The following RAB3C variants were observed in gnomAD, a reference collection of about 807,000 sequenced individuals.
The protein encoded by RAB3C is RAB3C, member RAS oncogene family.
Under a neutral mutation model 26.4 loss-of-function variants are expected in RAB3C, and 17 were observed. That is an observed-to-expected ratio of 0.64 (90% CI 0.44 to 0.97). The LOEUF is 0.97. RAB3C is among the 50% of genes least tolerant of loss of function. RAB3C has a pLI of 0.00. For synonymous variants in RAB3C, 91 were observed against 95.9 expected (o/e 0.95, Z 0.30); for missense variants, 242 against 281.9 (o/e 0.86, Z 1.01).
chr5:58,699,538 T>G (rs901826027), intron 2 of RAB3C, among the ~76,000 whole-genome samples: 2 of 152,234 alleles, frequency 1.3e-5, no homozygotes, highest in Non-Finnish European at 2.9e-5. Flanking sequence ...AGAAGTTGTC[T>G]GCTGCCTTTT....
intron 3 of RAB3C, among the ~76,000 whole-genome samples, chr5:58,766,947 C>T (rs1741921698): frequency 6.6e-6 from 1 of 152,148 alleles, no homozygotes; most frequent in African/African-American, 2.4e-5. Context: ...GAGAAATAGA[C>T]TTCAAGAGAC....
At chr5:58,623,802 CA>C (rs1319529163) in intron 2 of RAB3C, among the ~76,000 whole-genome samples, 1 of 152,082 alleles carries the variant, frequency 6.6e-6, no homozygotes, top group Non-Finnish European at 1.5e-5. Context: ...TGTGTTCTGC[CA>C]AGGGGTAGAG....
At chr5:58,698,250 G>T (rs1021132460) in intron 2 of RAB3C, among the ~76,000 whole-genome samples, 2 of 152,106 alleles carry the variant, frequency 1.3e-5, no homozygotes, top group Non-Finnish European at 2.9e-5. Flanking sequence ...TTGAATATCG[G>T]CCCCCACTCT....
chr5:58,733,468 A>G (rs577650292), intron 3 of RAB3C, among the ~76,000 whole-genome samples: 4 of 152,192 alleles, frequency 2.6e-5, no homozygotes, highest in Admixed American at 6.5e-5. Flanking sequence ...AATTTGCCAG[A>G]TATCTATTGG....
intron 3 of RAB3C, among the ~76,000 whole-genome samples, chr5:58,736,154 C>G (rs529540797): frequency 6.6e-6 from 1 of 152,310 alleles, no homozygotes; most frequent in Admixed American, 6.5e-5. Flanking sequence ...TCCTGCAGCT[C>G]CTGCAGCATT....
intron 2 of RAB3C, among the ~76,000 whole-genome samples, chr5:58,619,869 T>TC (rs1746898082): frequency 6.6e-6 from 1 of 152,078 alleles, no homozygotes; most frequent in Admixed American, 6.6e-5. Flanking sequence ...CTCACCTTTT[T>TC]TTTTTGGCAT....
At chr5:58,609,713 G>T (rs1047836996) in intron 1 of RAB3C, among the ~76,000 whole-genome samples, 2 of 152,036 alleles carry the variant, frequency 1.3e-5, no homozygotes, top group African/African-American at 2.4e-5. Context: ...CCATAATTTG[G>T]CATACTATTG....
intron 2 of RAB3C, among the ~76,000 whole-genome samples, chr5:58,719,672 A>G (rs1466315319): frequency 6.6e-6 from 1 of 151,962 alleles, no homozygotes; most frequent in Non-Finnish European, 1.5e-5. Context: ...GGGAGAATCC[A>G]ATTCTTGGCA....
chr5:58,806,667 T>C (rs1362358664), intron 3 of RAB3C, among the ~76,000 whole-genome samples: 1 of 152,154 alleles, frequency 6.6e-6, no homozygotes, highest in Non-Finnish European at 1.5e-5. Context: ...GACATGCCAG[T>C]AGCCTCTCCT....
intron 2 of RAB3C, among the ~76,000 whole-genome samples, chr5:58,702,519 C>T (rs1366829025): frequency 2.6e-5 from 4 of 152,110 alleles, no homozygotes; most frequent in Admixed American, 2.6e-4. Context: ...TTGCCAGCCT[C>T]CCGTATTGTC....
intron 3 of RAB3C, among the ~76,000 whole-genome samples, chr5:58,815,448 G>A (rs6891440): frequency 0.23 from 34,226 of 152,100 alleles, 4,244 homozygotes; most frequent in African/African-American, 0.32. Context: ...AAAGGAAAAT[G>A]TGACTTCTCC....
At chr5:58,629,446 G>A (rs560823314) in intron 2 of RAB3C, among the ~76,000 whole-genome samples, 2 of 152,286 alleles carry the variant, frequency 1.3e-5, no homozygotes, top group East Asian at 1.9e-4. Flanking sequence ...AGGCCATGGA[G>A]GAGAGGGAGC....
intron 2 of RAB3C, among the ~76,000 whole-genome samples, chr5:58,706,900 C>G (rs1748953938): frequency 6.6e-6 from 1 of 152,188 alleles, no homozygotes; most frequent in African/African-American, 2.4e-5. Context: ...GTTGCCAAAG[C>G]CAGTTTGGAG....
intron 2 of RAB3C, among the ~76,000 whole-genome samples, chr5:58,639,262 A>G (rs2111764628): frequency 6.6e-6 from 1 of 152,326 alleles, no homozygotes; most frequent in South Asian, 2.1e-4. Flanking sequence ...TTTTTTTTAA[A>G]GATACATTAT....
intron 3 of RAB3C, among the ~76,000 whole-genome samples, chr5:58,787,966 T>G (rs1742430787): frequency 6.6e-6 from 1 of 152,220 alleles, no homozygotes; most frequent in African/African-American, 2.4e-5. Context: ...GAATAGGTGC[T>G]GCAGATAAAG....
intron 1 of RAB3C, among the ~76,000 whole-genome samples, chr5:58,597,244 TATATA>T (rs1311093220): frequency 1.2e-4 from 14 of 117,564 alleles, no homozygotes; most frequent in African/African-American, 4.1e-4. Flanking sequence ...CACAATATAT[TATATA>T]ATATATACTA....
chr5:58,732,373 G>A (rs1320683919), intron 3 of RAB3C, among the ~76,000 whole-genome samples: 1 of 151,986 alleles, frequency 6.6e-6, no homozygotes, highest in Non-Finnish European at 1.5e-5. Context: ...CAATCTTACA[G>A]GGCAATAAGA....
rs536878158 is a variant in RAB3C at position 58,786,829 on chromosome 5, GC to G, written c.372-38204del. 2.2e-3 allele frequency among the ~76,000 whole-genome samples: 335 copies of G among 151,330 alleles called. 2 individuals carry two copies. The highest frequency in any genetic ancestry group is 3.4e-3 in the Middle Eastern group (1 of 292). On this transcript the variant is annotated intron_variant, in intron 3 of 4. Transcript: ENST00000282878. ...GAGCACAATTAAGTTTCTTTTATAC[GC>G]CCCCTCACCCCCCGCCAGCCCCCCG...
chr5:58,587,456 C>T (rs1230071924), intron 1 of RAB3C, among the ~76,000 whole-genome samples: 1 of 152,104 alleles, frequency 6.6e-6, no homozygotes, highest in Non-Finnish European at 1.5e-5. Flanking sequence ...TGGGAATCAT[C>T]TTAGCAGGTC....
Sources: gnomAD v4.1 joint callset for allele counts (sites outside exome capture counted in the v4.1 genomes callset) on GRCh38, gnomAD v4.1.1 for gene constraint, MANE v1.5 for transcripts, NCBI Gene and HGNC (gene_info 2026-07-23, HGNC 2026-07-21) for gene names.